Variants in KIAA1217 observed in about 807,000 individuals in gnomAD.
KIAA1217 encodes the protein KIAA1217, also known as sickle tail protein homolog.
In KIAA1217, 88 loss-of-function variants were observed where a neutral mutation model predicts 163.9. That is an observed-to-expected ratio of 0.54 (90% CI 0.45 to 0.64). KIAA1217 has a LOEUF of 0.64. Ranked by LOEUF, KIAA1217 falls within the 30% of genes least tolerant of loss-of-function variation. KIAA1217 has a pLI of 0.00. For synonymous variants in KIAA1217, 903 were observed against 923.1 expected, an observed-to-expected ratio of 0.98 and a Z score of 0.39; for missense variants, 2,372 against 2,475.0, an observed-to-expected ratio of 0.96 and a Z score of 0.88.
chr10:24,409,272 T>A (rs898939826), intron 3 of KIAA1217, among the ~76,000 whole-genome samples: 4 of 152,224 alleles, frequency 2.6e-5, no homozygotes, highest in African/African-American at 9.6e-5. Flanking sequence ...TGAGTTTAAG[T>A]TGCATCATTT....
Position 24,217,031 on chromosome 10 carries a change from C to CAAAAAAAAAAA in KIAA1217, c.71-2578_71-2568dup. On this transcript the variant is annotated intron_variant, in intron 1 of 20. Transcript: ENST00000376454. ...TGGGTGACAGAGCAAGACCTTGTCT[C>CAAAAAAAAAAA]AAAAAAAAAAAAAAAAAAAAAAAAA... Among the ~76,000 whole-genome samples the CAAAAAAAAAAA allele has an allele frequency of 9.4e-5, 2 of 21,322 alleles. 1 individual carries two copies. Among genetic ancestry groups the CAAAAAAAAAAA allele is most frequent in the Non-Finnish European group, 1.5e-4 (2 of 13,238 alleles). The allele number at this position is 21,322 out of a possible 152,430, so 14.0% of individuals were successfully genotyped here. A position where few individuals can be genotyped will look rare whatever the true frequency, so the allele number is the denominator to read the frequency against.
intron 2 of KIAA1217, among the ~76,000 whole-genome samples, chr10:24,010,165 G>T (rs929675930): frequency 6.6e-6 from 1 of 151,626 alleles, no homozygotes; most frequent in African/African-American, 2.4e-5. Flanking sequence ...CAGAAAACCT[G>T]GACTGTATGA....
intron 2 of KIAA1217, among the ~76,000 whole-genome samples, chr10:24,356,760 C>T (rs1288422617): frequency 6.6e-6 from 1 of 152,210 alleles, no homozygotes; most frequent in Non-Finnish European, 1.5e-5. Flanking sequence ...CAAGAAGGCC[C>T]TCGCCAGATG....
At chr10:24,335,323 GCTCT>G (rs2046205637) in intron 2 of KIAA1217, among the ~76,000 whole-genome samples, 2 of 140,998 alleles carry the variant, frequency 1.4e-5, no homozygotes, top group Non-Finnish European at 3.0e-5. Flanking sequence ...ACGGAGTCTT[GCTCT>G]GTCACCCAGG....
chr10:23,975,380 A>G (rs1845497750), intron 1 of KIAA1217, among the ~76,000 whole-genome samples: 1 of 152,204 alleles, frequency 6.6e-6, no homozygotes, highest in East Asian at 1.9e-4. Flanking sequence ...TGAAATTAAG[A>G]TTTCAACCTG....
chr10:24,085,972 C>CA (rs111641140), intron 2 of KIAA1217, among the ~76,000 whole-genome samples: 30,363 of 144,878 alleles, frequency 0.21, 6,529 homozygotes, highest in African/African-American at 0.55. Flanking sequence ...GACCCTGTCT[C>CA]AAAAAAAAAA....
intron 1 of KIAA1217, among the ~76,000 whole-genome samples, chr10:23,833,867 A>G (rs982035707): frequency 6.6e-6 from 1 of 151,902 alleles, no homozygotes; most frequent in Non-Finnish European, 1.5e-5. Context: ...TTTTATTTCT[A>G]ATATGTCAAA....
chr10:24,294,494 G>T (rs2079480405), intron 2 of KIAA1217, among the ~76,000 whole-genome samples: 1 of 152,182 alleles, frequency 6.6e-6, no homozygotes, highest in African/African-American at 2.4e-5. Flanking sequence ...GATGTGTGTG[G>T]ATGCTACTTT....
chr10:23,959,428 CAGG>C (rs1844720836), intron 1 of KIAA1217, among the ~76,000 whole-genome samples: 2 of 152,250 alleles, frequency 1.3e-5, no homozygotes, highest in Admixed American at 1.3e-4. Flanking sequence ...GAGGCTGAGG[CAGG>C]AGGATCGCTT....
At chr10:23,852,898 A>T (rs1158688492) in intron 1 of KIAA1217, among the ~76,000 whole-genome samples, 1 of 152,156 alleles carries the variant, frequency 6.6e-6, no homozygotes, top group African/African-American at 2.4e-5. Flanking sequence ...GCTTATCAGC[A>T]GAAGGACATT....
chr10:23,841,827 CTTTATTTTA>C (rs1263964948), intron 1 of KIAA1217, among the ~76,000 whole-genome samples: 12 of 133,492 alleles, frequency 9.0e-5, no homozygotes, highest in Non-Finnish European at 1.7e-4. Flanking sequence ...ACCATTGGGA[CTTTATTTTA>C]TTTTATTTTA....
chr10:24,099,415 A>G (rs1388411616), intron 2 of KIAA1217, among the ~76,000 whole-genome samples: 1 of 150,816 alleles, frequency 6.6e-6, no homozygotes, highest in African/African-American at 2.4e-5. Flanking sequence ...ATTCCCACCT[A>G]TGAGTGAGAA....
intron 5 of KIAA1217, among the ~76,000 whole-genome samples, chr10:24,465,934 C>T (rs545312187): frequency 2.0e-5 from 3 of 152,270 alleles, no homozygotes; most frequent in South Asian, 2.1e-4. Flanking sequence ...CTTTCCTTCT[C>T]GTTTCAGATG....
chr10:24,027,359 A>G (rs1459716252), intron 2 of KIAA1217, among the ~76,000 whole-genome samples: 1 of 152,128 alleles, frequency 6.6e-6, no homozygotes, highest in Non-Finnish European at 1.5e-5. Flanking sequence ...ATTGCGCAAT[A>G]TCTGAAAACT....
chr10:24,377,942 G>C (rs1453181442), intron 2 of KIAA1217, among the ~76,000 whole-genome samples: 2 of 152,112 alleles, frequency 1.3e-5, no homozygotes, highest in Non-Finnish European at 2.9e-5. Flanking sequence ...TTCATTGGAA[G>C]GACCCCACAG....
chr10:24,128,363 A>G (rs2063539748), intron 2 of KIAA1217, among the ~76,000 whole-genome samples: 1 of 152,206 alleles, frequency 6.6e-6, no homozygotes, highest in Non-Finnish European at 1.5e-5. Flanking sequence ...TGCACCCTAG[A>G]TTATGTAACT....
intron 2 of KIAA1217, among the ~76,000 whole-genome samples, chr10:24,073,948 T>C (rs1459884386): frequency 6.6e-6 from 1 of 151,868 alleles, no homozygotes; most frequent in Non-Finnish European, 1.5e-5. Flanking sequence ...TTCTTTCAAC[T>C]CTCCGATCTG....
intron 9 of KIAA1217, 35 bp downstream of exon 9, chr10:24,501,580 G>C: frequency 6.3e-7 from 1 of 1,592,196 alleles, no homozygotes; most frequent in Non-Finnish European, 8.5e-7. Flanking sequence ...TGTCTCGGTT[G>C]CCCTGAGCTC....
chr10:23,835,939 C>A (rs1196540001), intron 1 of KIAA1217, among the ~76,000 whole-genome samples: 1 of 152,022 alleles, frequency 6.6e-6, no homozygotes, highest in African/African-American at 2.4e-5. Context: ...TGTGTCCCCC[C>A]AAAATTCATG....
Sources: allele counts gnomAD v4.1 joint callset (sites outside exome capture counted in the v4.1 genomes callset), GRCh38; gene constraint gnomAD v4.1.1; transcripts MANE v1.5; gene names NCBI Gene and HGNC (gene_info 2026-07-23, HGNC 2026-07-21).